Variants in PRSS12 observed in about 807,000 individuals in gnomAD.
PRSS12 encodes the protein neurotrypsin.
Under a neutral mutation model 104.4 loss-of-function variants are expected in PRSS12, and 85 were observed. The observed-to-expected ratio is 0.81, with a 90% confidence interval of 0.68 to 0.98. The LOEUF is 0.98. Among genes scored for constraint, PRSS12 ranks in the 50% least tolerant of loss-of-function variants. The pLI, the probability that PRSS12 is intolerant of heterozygous loss-of-function variation, is 0.00. For synonymous variants in PRSS12, 454 were observed against 425.2 expected (o/e 1.07, Z -0.83); for missense variants, 1,141 against 1,139.2 (o/e 1.00, Z -0.02).
chr4:118,331,149 A>C (rs1475549746), intron 4 of PRSS12, among the ~76,000 whole-genome samples: 1 of 152,218 alleles, frequency 6.6e-6, no homozygotes, highest in African/African-American at 2.4e-5. Flanking sequence ...GAGGGATTAG[A>C]AGGCCTAAAA....
At chr4:118,300,982 T>G (rs1021663953) in intron 8 of PRSS12, among the ~76,000 whole-genome samples, 2 of 152,062 alleles carry the variant, frequency 1.3e-5, no homozygotes, top group Non-Finnish European at 2.9e-5. Context: ...CATAAATCTT[T>G]GTGGGCAGCT....
chr4:118,288,404 T>C (rs781575133), intron 11 of PRSS12, among the ~76,000 whole-genome samples: 1 of 152,226 alleles, frequency 6.6e-6, no homozygotes, highest in Non-Finnish European at 1.5e-5. Flanking sequence ...ATGAAACATA[T>C]ATTAGGCATC....
At chr4:118,313,596 G>C (rs534352511) in intron 6 of PRSS12, among the ~76,000 whole-genome samples, 199 bp from the exon 7 acceptor site, 20 of 152,232 alleles carry the variant, frequency 1.3e-4, no homozygotes, top group Admixed American at 1.2e-3. Flanking sequence ...AAAAATGTTC[G>C]ATTATTTCAA....
chr4:118,320,519 AGGTGGGT>A (rs1189628954), intron 4 of PRSS12, among the ~76,000 whole-genome samples: 2 of 152,220 alleles, frequency 1.3e-5, no homozygotes, highest in Non-Finnish European at 2.9e-5. Context: ...TGGGAAGCCA[AGGTGGGT>A]GGACTACTTG....
chr4:118,326,784 A>G (rs544941031), intron 4 of PRSS12, among the ~76,000 whole-genome samples: 6 of 152,282 alleles, frequency 3.9e-5, no homozygotes, highest in African/African-American at 1.4e-4. Flanking sequence ...AATATTGTGT[A>G]ATCTCAGTGG....
At chr4:118,320,731 T>C (rs1375383598) in intron 4 of PRSS12, among the ~76,000 whole-genome samples, 13 of 152,052 alleles carry the variant, frequency 8.5e-5, no homozygotes, top group Admixed American at 6.6e-5. Context: ...CCAGCCTGGG[T>C]GACACAGAGA....
At position 118,323,457 on chromosome 4, in the gene PRSS12, G is replaced by T. The variant is rs1560778726; in HGVS notation, c.972-4901C>A. ...AATCCAGATGGCTTAAATATAGGTG[G>T]AAAAAAAAGAAAAGAAAGAAAGGCG... On this transcript the variant is annotated intron_variant, in intron 4 of 12. Transcript: ENST00000296498. Among the ~76,000 whole-genome samples, 3 of 148,734 alleles carry T rather than the reference G, an allele frequency of 2.0e-5. 1 individual carries two copies. Among genetic ancestry groups the T allele is most frequent in the African/African-American group, 4.9e-5 (2 of 40,576 alleles).
At chr4:118,327,800 C>T (rs1723814031) in intron 4 of PRSS12, among the ~76,000 whole-genome samples, 1 of 152,200 alleles carries the variant, frequency 6.6e-6, no homozygotes, top group Non-Finnish European at 1.5e-5. Flanking sequence ...TGCCTCCTTT[C>T]CCGCTGCTCA....
At chr4:118,324,808 G>A (rs1011378480) in intron 4 of PRSS12, among the ~76,000 whole-genome samples, 2 of 151,992 alleles carry the variant, frequency 1.3e-5, no homozygotes, top group African/African-American at 4.8e-5. Flanking sequence ...TGCCTCCCGG[G>A]TTCAAGCGAT....
At chr4:118,339,987 A>G (rs1724159717) in intron 1 of PRSS12, among the ~76,000 whole-genome samples, 1 of 152,226 alleles carries the variant, frequency 6.6e-6, no homozygotes, top group South Asian at 2.1e-4. Context: ...AGATAGTTCT[A>G]GTAATGAAAA....
intron 4 of PRSS12, among the ~76,000 whole-genome samples, chr4:118,327,287 G>A: frequency 6.6e-6 from 1 of 151,912 alleles, no homozygotes; most frequent in East Asian, 1.9e-4. Context: ...GAGTAGCTGG[G>A]ACCACCAGTG....
chr4:118,313,625 T>C (rs1277593266), intron 6 of PRSS12, among the ~76,000 whole-genome samples: 1 of 152,134 alleles, frequency 6.6e-6, no homozygotes, highest in African/African-American at 2.4e-5. Flanking sequence ...AAATGAAAAA[T>C]TAATACTTTT....
At chr4:118,338,417 G>T in intron 1 of PRSS12, 103 bp from the exon 2 acceptor site, 1 of 1,411,978 alleles carries the variant, frequency 7.1e-7, no homozygotes, top group Non-Finnish European at 9.8e-7. Flanking sequence ...AGTAGTAAGG[G>T]ATCCAGGCAG....
intron 1 of PRSS12, among the ~76,000 whole-genome samples, chr4:118,344,331 T>C (rs1435002720): frequency 2.6e-5 from 4 of 152,112 alleles, no homozygotes; most frequent in Admixed American, 2.0e-4. Context: ...AACAACTGAA[T>C]TGGGGGACTC....
rs1460532963 is a variant in PRSS12 at position 118,338,176 on chromosome 4, C to T, written c.641G>A (p.Gly214Glu). The change falls in exon 2 of 13, where the codon GGA becomes GAA. Residue 214 changes from glycine (G) to glutamate (E), a missense_variant and splice_region_variant. By Grantham distance (98) the Gly-to-Glu change is moderately conservative. Transcript: ENST00000296498. The stretch of plus-strand genomic sequence containing the variant: ...TTTGGTCAGGGATGGGTACACTCAC[C>T]CCAGCTGCAGCTGGTGACAAATGAC... Reference protein sequence around the residue: ...ASVICHQLQLGGKGIAKQTPF... With the variant: ...ASVICHQLQLEGKGIAKQTPF... 1.2e-6 allele frequency: 2 copies of T among 1,613,770 alleles called. No homozygotes were observed. Among genetic ancestry groups the T allele is most frequent in the Non-Finnish European group, 1.7e-6 (2 of 1,179,906 alleles).
intron 4 of PRSS12, among the ~76,000 whole-genome samples, chr4:118,324,926 G>T (rs932774421): frequency 6.6e-6 from 1 of 151,942 alleles, no homozygotes; most frequent in Non-Finnish European, 1.5e-5. Flanking sequence ...GGTCAGGCTG[G>T]TCTCGAACTC....
intron 5 of PRSS12, among the ~76,000 whole-genome samples, chr4:118,317,840 T>C (rs940308787): frequency 6.6e-6 from 1 of 152,208 alleles, no homozygotes; most frequent in Non-Finnish European, 1.5e-5. Context: ...TCCCTAAACA[T>C]GTAAGTACAT....
chr4:118,304,659 T>C (rs997673534), intron 8 of PRSS12, among the ~76,000 whole-genome samples: 2 of 152,056 alleles, frequency 1.3e-5, no homozygotes, highest in Non-Finnish European at 2.9e-5. Flanking sequence ...CTACTTAGTC[T>C]ATCTCAATGA....
chr4:118,285,758 T>C (rs1262878815), intron 11 of PRSS12, among the ~76,000 whole-genome samples: 1 of 152,226 alleles, frequency 6.6e-6, no homozygotes, highest in Non-Finnish European at 1.5e-5. Context: ...ATATTTTAGA[T>C]ACACTATGTT....
Sources: gnomAD v4.1 joint callset for allele counts (sites outside exome capture counted in the v4.1 genomes callset) on GRCh38, gnomAD v4.1.1 for gene constraint, MANE v1.5 for transcripts, NCBI Gene and HGNC (gene_info 2026-07-23, HGNC 2026-07-21) for gene names.